Variants in PLXNA4 observed in about 807,000 individuals in gnomAD.
The protein encoded by PLXNA4 is plexin A4.
In PLXNA4, 44 loss-of-function variants were observed where a neutral mutation model predicts 191.8. That is an observed-to-expected ratio of 0.23 (90% CI 0.18 to 0.29). PLXNA4 has a LOEUF of 0.29. Ranked by LOEUF, PLXNA4 falls within the 10% of genes least tolerant of loss-of-function variation. The pLI, the probability that PLXNA4 is intolerant of heterozygous loss-of-function variation, is 1.00. For synonymous variants in PLXNA4, 1,082 were observed against 1,009.5 expected, an observed-to-expected ratio of 1.07 and a Z score of -1.36; for missense variants, 1,800 against 2,488.8, an observed-to-expected ratio of 0.72 and a Z score of 5.89.
At chr7:132,246,730 T>A (rs1799065806) in intron 4 of PLXNA4, among the ~76,000 whole-genome samples, 1 of 152,158 alleles carries the variant, frequency 6.6e-6, no homozygotes, top group Admixed American at 6.5e-5. Flanking sequence ...TGGTTTTAAA[T>A]GATTGTAAAT....
At chr7:132,440,479 C>T (rs1795656111) in intron 3 of PLXNA4, among the ~76,000 whole-genome samples, 1 of 152,174 alleles carries the variant, frequency 6.6e-6, no homozygotes, top group Admixed American at 6.5e-5. Flanking sequence ...CAGAGGATAG[C>T]AATTTCATTG....
intron 3 of PLXNA4, among the ~76,000 whole-genome samples, chr7:132,315,937 A>G (rs1801928433): frequency 6.6e-6 from 1 of 152,178 alleles, no homozygotes; most frequent in Non-Finnish European, 1.5e-5. Flanking sequence ...GGTAGGTTGG[A>G]TGCAGGTGCA....
At chr7:132,434,253 A>T (rs2117210852) in intron 3 of PLXNA4, among the ~76,000 whole-genome samples, 1 of 152,280 alleles carries the variant, frequency 6.6e-6, no homozygotes, top group East Asian at 1.9e-4. Context: ...TTTTGGCCAC[A>T]GTGTGCACCC....
In PLXNA4 at chr7:132,226,124, C is replaced by A. The variant is rs377466005; in HGVS notation, c.1982+37G>T. 6.4e-6 allele frequency: 10 copies of A among 1,571,358 alleles called. No individual in the cohort carries two copies. The African/African-American group carries it at 1.2e-4, about 19-fold the overall frequency. On this transcript the variant is annotated intron_variant, in intron 8 of 31. Transcript: ENST00000321063. ...TCTGATCTTTGGATGAAACTTGACC[C>A]CAGGAACGGGAAGTGGGTAAGGCTG...
chr7:132,521,985 C>T (rs1418580253), intron 1 of PLXNA4, among the ~76,000 whole-genome samples: 2 of 152,172 alleles, frequency 1.3e-5, no homozygotes, highest in Non-Finnish European at 2.9e-5. Context: ...ATGTTGGATG[C>T]TACTGACATC....
intron 3 of PLXNA4, among the ~76,000 whole-genome samples, chr7:132,430,325 G>T (rs1199061526): frequency 6.6e-6 from 1 of 152,144 alleles, no homozygotes; most frequent in African/African-American, 2.4e-5. Context: ...CCAGCACCCA[G>T]CACCGCATGA....
At chr7:132,576,655 G>T (rs994347904), upstream of PLXNA4, 3 of 958,940 alleles carry the variant, frequency 3.1e-6, no homozygotes, top group Middle Eastern at 5.3e-4. The surrounding 1 kb of genome is among the most constrained non-coding windows in gnomAD (Gnocchi z 5.8). Flanking sequence ...AGCTTCTCTT[G>T]CGGCGTCCAA....
At chr7:132,514,728 A>AC (rs777542726) in intron 1 of PLXNA4, among the ~76,000 whole-genome samples, 3 of 151,876 alleles carry the variant, frequency 2.0e-5, no homozygotes, top group Non-Finnish European at 2.9e-5. Flanking sequence ...CTACAAGCCT[A>AC]CCCTACAGGT....
At chr7:132,177,732 C>G (rs1262981360) in intron 20 of PLXNA4, among the ~76,000 whole-genome samples, 1 of 152,188 alleles carries the variant, frequency 6.6e-6, no homozygotes, top group Non-Finnish European at 1.5e-5. Flanking sequence ...AAAAGAGATT[C>G]TAATCACTAC....
In PLXNA4 at chr7:132,127,146, C is replaced by T. The variant is rs1200826838; in HGVS notation, c.*3333G>A. Reference sequence around the variant, plus strand: ...CTGCTACCTTAAGCCCTTCTCTCTCCAACATGCAAAAAAAATTCCCACCTA... The same window carrying T: ...CTGCTACCTTAAGCCCTTCTCTCTCTAACATGCAAAAAAAATTCCCACCTA... On this transcript the variant is annotated 3_prime_UTR_variant, in exon 32 of 32. Transcript: ENST00000321063. The T allele has an allele frequency of 6.6e-6, 1 of 152,126 alleles. No homozygotes were observed. Among genetic ancestry groups the T allele is most frequent in the Non-Finnish European group, 1.5e-5 (1 of 68,054 alleles). The allele number at this position is 152,126 out of a possible 1,614,324, so 9.4% of individuals were successfully genotyped here.
chr7:132,169,246 T>C (rs563814912), intron 21 of PLXNA4, among the ~76,000 whole-genome samples: 134 of 152,368 alleles, frequency 8.8e-4, no homozygotes, highest in African/African-American at 3.1e-3. Flanking sequence ...CCCTGCTCTA[T>C]GCAGGGGAAG....
intron 3 of PLXNA4, among the ~76,000 whole-genome samples, chr7:132,450,946 C>T (rs955593907): frequency 6.6e-6 from 1 of 152,152 alleles, no homozygotes; most frequent in Non-Finnish European, 1.5e-5. Context: ...TGACCCAAGG[C>T]TAAGGAGCCC....
intron 1 of PLXNA4, among the ~76,000 whole-genome samples, chr7:132,549,138 C>T (rs1585316423): frequency 6.6e-6 from 1 of 152,216 alleles, no homozygotes; most frequent in African/African-American, 2.4e-5. Flanking sequence ...CATCAAGCAG[C>T]TCATCCTGCT....
At chr7:132,561,479 TCTC>T (rs528070900) in intron 1 of PLXNA4, among the ~76,000 whole-genome samples, 33 of 108,556 alleles carry the variant, frequency 3.0e-4, no homozygotes, top group South Asian at 1.1e-3. Context: ...TCCTCCTTCT[TCTC>T]CTCCTCCTTT....
At chr7:132,203,301 C>G (rs1797504783) in intron 11 of PLXNA4, 22 bp downstream of exon 11, 1 of 1,400,192 alleles carries the variant, frequency 7.1e-7, no homozygotes, top group African/African-American at 1.5e-5. Flanking sequence ...CCCTCCCCTG[C>G]TAGGCCCCAG....
chr7:132,298,227 G>A lies in PLXNA4; in HGVS notation c.1372-5C>T. ...CCTGGGTCCATCCACCCGGATCTGT[G>A]GAGAAGAAGAGGAGAGCCAAAGTGA... On this transcript the variant is annotated splice_polypyrimidine_tract_variant and splice_region_variant and intron_variant, in intron 3 of 31. Coordinates refer to ENST00000321063, the MANE Select transcript of PLXNA4 (RefSeq NM_020911.2). 2 of 1,609,814 alleles carry A rather than the reference G, an allele frequency of 1.2e-6. No homozygotes were observed. Among genetic ancestry groups the A allele is most frequent in the Non-Finnish European group, 1.7e-6 (2 of 1,178,036 alleles).
At chr7:132,547,490 G>A (rs766579624) in intron 1 of PLXNA4, among the ~76,000 whole-genome samples, 36 of 152,078 alleles carry the variant, frequency 2.4e-4, no homozygotes, top group Admixed American at 1.5e-3. Flanking sequence ...CCATTTCTTC[G>A]CTAGGGTGCT....
At chr7:132,259,726 T>G (rs1290777665) in intron 4 of PLXNA4, among the ~76,000 whole-genome samples, 1 of 152,154 alleles carries the variant, frequency 6.6e-6, no homozygotes, top group Non-Finnish European at 1.5e-5. Flanking sequence ...GCGAACAAGG[T>G]GCCCTTCAGT....
Position 132,285,729 on chromosome 7 carries a change from G to A in PLXNA4, c.1503+12362C>T, listed in dbSNP as rs570262292. Among the ~76,000 whole-genome samples the A allele has an allele frequency of 2.1e-4, 32 of 152,360 alleles. No individual in the cohort carries two copies. The South Asian group carries it at 6.2e-3, about 30-fold the overall frequency. ...CGTCCCATTGATATTCAAACGGAGTGTAAAATGTACTTAAGTATCAACATT... is the reference window on the plus strand; with the variant it reads ...CGTCCCATTGATATTCAAACGGAGTATAAAATGTACTTAAGTATCAACATT... On this transcript the variant is annotated intron_variant, in intron 4 of 31. Transcript: ENST00000321063.
Sources: allele counts gnomAD v4.1 joint callset (sites outside exome capture counted in the v4.1 genomes callset), GRCh38; gene constraint gnomAD v4.1.1; non-coding constraint Gnocchi (gnomAD v3.1); transcripts MANE v1.5; gene names NCBI Gene and HGNC (gene_info 2026-07-23, HGNC 2026-07-21).